The following DAB1 variants were observed in gnomAD, a reference collection of about 807,000 sequenced individuals.
The protein encoded by DAB1 is disabled homolog 1.
DAB1 carries 15 observed loss-of-function variants against 64.6 expected under a neutral mutation model. The ratio of observed to expected loss-of-function variants is 0.23; its 90% CI spans 0.16 to 0.36. DAB1 has a LOEUF of 0.36. DAB1 is among the 10% of genes least tolerant of loss of function. DAB1 has a pLI of 1.00. For synonymous variants in DAB1, 235 were observed against 251.9 expected (o/e 0.93, Z 0.64); for missense variants, 596 against 706.7 (o/e 0.84, Z 1.78).
At chr1:58,484,341 T>C (rs988571295) in intron 3 of DAB1, among the ~76,000 whole-genome samples, 4 of 152,226 alleles carry the variant, frequency 2.6e-5, no homozygotes, top group African/African-American at 7.2e-5. Context: ...CAAAATAGAA[T>C]GATCTGATCA....
At chr1:57,763,584 T>C (rs1441870260) in intron 6 of DAB1, among the ~76,000 whole-genome samples, 1 of 151,884 alleles carries the variant, frequency 6.6e-6, no homozygotes, top group Non-Finnish European at 1.5e-5. Context: ...GAGGCAGAGG[T>C]AGGAGGATTG....
chr1:58,427,314 C>T, intron 3 of DAB1, among the ~76,000 whole-genome samples: 1 of 152,096 alleles, frequency 6.6e-6, no homozygotes, highest in East Asian at 1.9e-4. Context: ...TCTAGACATA[C>T]TAAGGACTTT....
At chr1:57,188,909 A>G (rs1663861398) in intron 2 of DAB1, among the ~76,000 whole-genome samples, 1 of 152,190 alleles carries the variant, frequency 6.6e-6, no homozygotes, top group Non-Finnish European at 1.5e-5. Context: ...AATCTTTATA[A>G]TGATGCCATA....
At chr1:57,171,188 T>A (rs1661722301) in intron 2 of DAB1, among the ~76,000 whole-genome samples, 1 of 152,024 alleles carries the variant, frequency 6.6e-6, no homozygotes, top group Non-Finnish European at 1.5e-5. Flanking sequence ...CCATGTAACA[T>A]CAACAGAAAG....
At chr1:58,113,512 AGC>A (rs1652111156) in intron 5 of DAB1, among the ~76,000 whole-genome samples, 2 of 152,002 alleles carry the variant, frequency 1.3e-5, no homozygotes, top group African/African-American at 2.4e-5. Context: ...CAAAAGCTGA[AGC>A]ACAAATGGCA....
At chr1:57,134,218 CAATT>C (rs1657877800) in intron 4 of DAB1, among the ~76,000 whole-genome samples, 1 of 152,120 alleles carries the variant, frequency 6.6e-6, no homozygotes, top group South Asian at 2.1e-4. Flanking sequence ...AAACTTCTAT[CAATT>C]AGTCTTGGTT....
At chr1:58,051,066 T>TAC (rs2100527689) in intron 5 of DAB1, among the ~76,000 whole-genome samples, 1 of 152,280 alleles carries the variant, frequency 6.6e-6, no homozygotes, top group African/African-American at 2.4e-5. Context: ...TATATATATA[T>TAC]ACTTTAAGTT....
At chr1:57,418,634 T>G (rs530856116) in intron 1 of DAB1, among the ~76,000 whole-genome samples, 1 of 152,282 alleles carries the variant, frequency 6.6e-6, no homozygotes, top group South Asian at 2.1e-4. Flanking sequence ...ACCACAAAAT[T>G]TTCGTCATTT....
At chr1:57,678,770 T>TTTG (rs1558602842) in intron 6 of DAB1, among the ~76,000 whole-genome samples, 1 of 144,712 alleles carries the variant, frequency 6.9e-6, no homozygotes, top group Non-Finnish European at 1.5e-5. Context: ...TGTTTTTTGT[T>TTTG]TTTTTTTTCT....
intron 7 of DAB1, among the ~76,000 whole-genome samples, chr1:57,460,613 A>T (rs572349996): frequency 1.3e-5 from 2 of 152,276 alleles, no homozygotes; most frequent in Admixed American, 1.3e-4. Flanking sequence ...ACCTCATTTG[A>T]TGCACCTGTG....
At chr1:57,115,952 T>A (rs1050742326) in intron 4 of DAB1, among the ~76,000 whole-genome samples, 3 of 152,142 alleles carry the variant, frequency 2.0e-5, no homozygotes, top group Admixed American at 6.5e-5. Context: ...GTTCAGCAAG[T>A]AGGAGACATA....
intron 5 of DAB1, among the ~76,000 whole-genome samples, chr1:57,929,288 G>A (rs1644922519): frequency 6.6e-6 from 1 of 152,174 alleles, no homozygotes; most frequent in African/African-American, 2.4e-5. Context: ...GGTTGTCTGT[G>A]TTCTTATTGA....
chr1:57,070,957 CAA>C, intron 7 of DAB1, 64 bp downstream of exon 7: 1 of 1,399,442 alleles, frequency 7.1e-7, no homozygotes, highest in East Asian at 2.3e-5. Flanking sequence ...AGGTTTCTGA[CAA>C]AATGGCTCTG....
chr1:57,289,631 C>A (rs1224091946), intron 2 of DAB1, among the ~76,000 whole-genome samples: 1 of 152,150 alleles, frequency 6.6e-6, no homozygotes, highest in East Asian at 1.9e-4. Flanking sequence ...CAGTTATGTC[C>A]CTTACTTCAT....
At chr1:57,061,751 G>A (rs1053473820) in intron 9 of DAB1, among the ~76,000 whole-genome samples, 28 of 152,312 alleles carry the variant, frequency 1.8e-4, no homozygotes, top group African/African-American at 6.5e-4. Flanking sequence ...ATGGGATGGA[G>A]TTTCACATCC....
rs78707582 is a variant in DAB1, at chr1:57,651,616, T to A, written n.552-1951A>T. Among the ~76,000 whole-genome samples, 18 of 151,914 alleles carry A rather than the reference T, an allele frequency of 1.2e-4. No homozygotes were observed. In the East Asian group the frequency reaches 3.5e-3, roughly 29 times the overall value. On this transcript the variant is annotated intron_variant and non_coding_transcript_variant, in intron 6 of 20. Transcript: ENST00000485760. ...CTCTAAGCCTCAGTTTTCTTATATA[T>A]AAAGTGGGATAATAAGTCTAACCTG...
At chr1:57,636,655 GT>G (rs1646060842) in intron 7 of DAB1, among the ~76,000 whole-genome samples, 1 of 152,192 alleles carries the variant, frequency 6.6e-6, no homozygotes, top group South Asian at 2.1e-4. Flanking sequence ...GAGATATGGG[GT>G]GTACAAAAGA....
At chr1:58,301,547 GCCAAGACAATT>G (rs1156666254) in intron 4 of DAB1, among the ~76,000 whole-genome samples, 2 of 152,048 alleles carry the variant, frequency 1.3e-5, no homozygotes, top group East Asian at 3.9e-4. Context: ...TTATGTGTGG[GCCAAGACAATT>G]CTTCCAGTGC....
chr1:58,162,091 A>G (rs1321575603), intron 4 of DAB1, among the ~76,000 whole-genome samples: 2 of 152,180 alleles, frequency 1.3e-5, no homozygotes, highest in South Asian at 4.1e-4. Context: ...GGTGATAGAT[A>G]GGATGTAGGG....
Sources: gnomAD v4.1 joint callset for allele counts (sites outside exome capture counted in the v4.1 genomes callset) on GRCh38, gnomAD v4.1.1 for gene constraint, MANE v1.5 for transcripts, NCBI Gene and HGNC (gene_info 2026-07-23, HGNC 2026-07-21) for gene names.